Variants in EPHA5 observed in about 807,000 individuals in gnomAD.
The protein encoded by EPHA5 is ephrin type-A receptor 5.
Under a neutral mutation model 105.0 loss-of-function variants are expected in EPHA5, and 60 were observed. The observed-to-expected ratio is 0.57, with a 90% CI of 0.46 to 0.71. The LOEUF (loss-of-function observed/expected upper bound fraction) is 0.71. Among genes scored for constraint, EPHA5 ranks in the 30% least tolerant of loss-of-function variants. The pLI, the probability that EPHA5 is intolerant of heterozygous loss-of-function variation, is 0.00. For missense variants in EPHA5, 1,218 were observed against 1,274.7 expected (o/e 0.96, Z 0.68); for synonymous variants, 513 against 449.1 (o/e 1.14, Z -1.80).
At chr4:65,495,929 C>T (rs1036534937) in intron 3 of EPHA5, among the ~76,000 whole-genome samples, 2 of 152,026 alleles carry the variant, frequency 1.3e-5, no homozygotes, top group Non-Finnish European at 2.9e-5. Flanking sequence ...CCATGTACTG[C>T]TAAAATGGTA....
chr4:65,343,672 T>C (rs939086851), intron 14 of EPHA5, among the ~76,000 whole-genome samples: 2 of 152,164 alleles, frequency 1.3e-5, no homozygotes, highest in Admixed American at 6.6e-5. Context: ...AATTAAGGCA[T>C]AGGAAATTTA....
At chr4:65,441,366 C>T (rs1384116646) in intron 5 of EPHA5, among the ~76,000 whole-genome samples, 2 of 151,786 alleles carry the variant, frequency 1.3e-5, no homozygotes, top group African/African-American at 4.8e-5. Flanking sequence ...AACAGTATTT[C>T]CATAATTTAT....
At chr4:65,455,408 C>T (rs952244005) in intron 5 of EPHA5, among the ~76,000 whole-genome samples, 2 of 152,112 alleles carry the variant, frequency 1.3e-5, no homozygotes, top group Non-Finnish European at 2.9e-5. Context: ...TTTCTTATTC[C>T]TTGCTAGATG....
intron 16 of EPHA5, chr4:65,331,754 C>A (rs1720638741): frequency 1.6e-6 from 2 of 1,225,814 alleles, no homozygotes; most frequent in Non-Finnish European, 2.0e-6. Context: ...TTCAAGTATG[C>A]CAATGTTATT....
chr4:65,664,431 A>T (rs1446187331), intron 1 of EPHA5, among the ~76,000 whole-genome samples: 1 of 151,930 alleles, frequency 6.6e-6, no homozygotes, highest in South Asian at 2.1e-4. Context: ...TTAAAAAATG[A>T]ACCCATTTTA....
intron 7 of EPHA5, 99 bp from the exon 8 acceptor site, chr4:65,404,578 C>A (rs1279172200): frequency 5.2e-6 from 5 of 957,934 alleles, no homozygotes; most frequent in Admixed American, 2.2e-5. Context: ...ATGATTTAAG[C>A]AATTTACCCA....
chr4:65,453,967 C>T (rs1231666482), intron 5 of EPHA5, among the ~76,000 whole-genome samples: 1 of 94,974 alleles, frequency 1.1e-5, no homozygotes, highest in Non-Finnish European at 2.3e-5. Flanking sequence ...CAGACCCCTA[C>T]GGATTTGCTG....
rs2149438911 is a variant in EPHA5, at chr4:65,601,898, C to T, written c.653G>A (p.Gly218Asp). The T allele has an allele frequency of 6.2e-7, 1 of 1,614,152 alleles. No homozygotes were observed. Among genetic ancestry groups the T allele is most frequent in the Non-Finnish European group, 8.5e-7 (1 of 1,180,028 alleles). Reference sequence around the variant, plus strand: ...CACAGAAACCAGAGCAATGCAAGCACCAACATCTTGAAAAGCAAGATAAAA... The same window carrying T: ...CACAGAAACCAGAGCAATGCAAGCATCAACATCTTGAAAAGCAAGATAAAA... ...KGFYLAFQDV[G>D]ACIALVSVRV... Residue 218 changes from glycine (G) to aspartate (D), a missense_variant, in exon 3 of 17, where the codon GGT becomes GAT. By Grantham distance (94) the Gly-to-Asp change is moderately conservative. Coordinates refer to ENST00000613740, the MANE Select transcript of EPHA5 (RefSeq NM_001281766.3).
chr4:65,335,114 T>A (rs1004338623), intron 15 of EPHA5, among the ~76,000 whole-genome samples: 8 of 151,942 alleles, frequency 5.3e-5, no homozygotes, highest in Admixed American at 5.3e-4. Flanking sequence ...TGTTTCTCAT[T>A]TAGTCCATGC....
At chr4:65,471,951 TAACTC>T (rs1370786880) in intron 5 of EPHA5, among the ~76,000 whole-genome samples, 1 of 152,120 alleles carries the variant, frequency 6.6e-6, no homozygotes, top group Non-Finnish European at 1.5e-5. Flanking sequence ...CCCCAAATCT[TAACTC>T]ATTACACCAA....
chr4:65,423,675 T>C (rs544496205), intron 5 of EPHA5, among the ~76,000 whole-genome samples: 52 of 151,624 alleles, frequency 3.4e-4, no homozygotes, highest in African/African-American at 1.2e-3. Flanking sequence ...GTCTGTTTTT[T>C]TTTTTTCTAC....
rs146517923 is a variant in EPHA5, at chr4:65,319,998, G to A, written c.*4116C>T. On this transcript the variant is annotated 3_prime_UTR_variant, in exon 17 of 17. Coordinates refer to ENST00000613740, the MANE Select transcript of EPHA5 (RefSeq NM_001281766.3). ...ACCACCTTCAATTTTCTCCATTAAC[G>A]TTTAGAAGAAACAAACAACATTTGA... 17 of 229,830 alleles carry A rather than the reference G, an allele frequency of 7.4e-5. No homozygotes were observed. The highest frequency in any genetic ancestry group is 3.8e-4 in the African/African-American group (17 of 45,204). The allele number at this position is 229,830 out of a possible 1,614,324, so 14.2% of individuals were successfully genotyped here.
intron 5 of EPHA5, among the ~76,000 whole-genome samples, chr4:65,436,908 T>C (rs943494381): frequency 6.6e-6 from 1 of 152,010 alleles, no homozygotes; most frequent in Non-Finnish European, 1.5e-5. Context: ...TAGAAAATGA[T>C]GCCAGGCTTT....
At chr4:65,499,681 C>T (rs749277583) in intron 3 of EPHA5, among the ~76,000 whole-genome samples, 2 of 151,552 alleles carry the variant, frequency 1.3e-5, no homozygotes, top group Non-Finnish European at 3.0e-5. Context: ...TATTTAAAAA[C>T]TCTTTAAAGG....
intron 3 of EPHA5, among the ~76,000 whole-genome samples, chr4:65,512,568 T>C (rs1733725426): frequency 6.6e-6 from 1 of 152,090 alleles, no homozygotes; most frequent in African/African-American, 2.4e-5. Flanking sequence ...TCTGTCTCTC[T>C]TGCTGCTATG....
chr4:65,604,889 T>C (rs1490440559), intron 2 of EPHA5, among the ~76,000 whole-genome samples: 1 of 152,210 alleles, frequency 6.6e-6, no homozygotes, highest in Admixed American at 6.5e-5. Context: ...TGTTCATTTT[T>C]GTTGGATTTT....
At chr4:65,471,435 T>A (rs1056887914) in intron 5 of EPHA5, among the ~76,000 whole-genome samples, 1 of 152,222 alleles carries the variant, frequency 6.6e-6, no homozygotes, top group African/African-American at 2.4e-5. Flanking sequence ...TAATTATTTT[T>A]ATGTCAACTT....
At chr4:65,448,494 A>G (rs1726774921) in intron 5 of EPHA5, among the ~76,000 whole-genome samples, 2 of 152,238 alleles carry the variant, frequency 1.3e-5, no homozygotes, top group African/African-American at 4.8e-5. Context: ...TTAAAAATAC[A>G]AAAATTAGCT....
chr4:65,541,147 C>T (rs1452952223), intron 3 of EPHA5, among the ~76,000 whole-genome samples: 1 of 151,278 alleles, frequency 6.6e-6, no homozygotes. Flanking sequence ...CACTGCAAAA[C>T]ACATGAAAAT....
Sources: allele counts gnomAD v4.1 joint callset (sites outside exome capture counted in the v4.1 genomes callset), GRCh38; gene constraint gnomAD v4.1.1; transcripts MANE v1.5; gene names NCBI Gene and HGNC (gene_info 2026-07-23, HGNC 2026-07-21).